Variants in ENOX1 observed in about 807,000 individuals in gnomAD.
ENOX1 encodes the protein ecto-NOX disulfide-thiol exchanger 1.
A neutral mutation model predicts 82.5 loss-of-function variants in ENOX1; 42 were observed. The observed-to-expected ratio is 0.51, with a 90% CI of 0.40 to 0.66. The LOEUF (loss-of-function observed/expected upper bound fraction) is 0.66, where lower values mean the gene tolerates loss of function less well. Among genes scored for constraint, ENOX1 ranks in the 30% least tolerant of loss-of-function variants. ENOX1 has a pLI of 0.00. For missense variants in ENOX1, 608 were observed against 811.6 expected (o/e 0.75, Z 3.05); for synonymous variants, 271 against 282.2 (o/e 0.96, Z 0.40).
Position 43,463,631 on chromosome 13 carries a change from G to A in ENOX1, c.-75+20378C>T, listed in dbSNP as rs79465014. 6.2e-3 allele frequency among the ~76,000 whole-genome samples: 938 copies of A among 152,258 alleles called. 7 individuals are homozygous for A. The highest frequency in any genetic ancestry group is 0.022 in the African/African-American group (894 of 41,554). On this transcript the variant is annotated intron_variant, in intron 3 of 16. Transcript: ENST00000690772. ...ACTTATTTCATTTACTGTAAAGTACGCACCATGTGAAATTTTTGTTATTTA... is the reference window on the plus strand; with the variant it reads ...ACTTATTTCATTTACTGTAAAGTACACACCATGTGAAATTTTTGTTATTTA...
At chr13:43,427,795 C>A (rs1425087374) in intron 3 of ENOX1, among the ~76,000 whole-genome samples, 2 of 152,062 alleles carry the variant, frequency 1.3e-5, no homozygotes, top group Non-Finnish European at 2.9e-5. Context: ...TAGGAACATG[C>A]CTCTTATAAG....
intron 2 of ENOX1, among the ~76,000 whole-genome samples, chr13:43,633,511 A>T (rs555159580): frequency 1.3e-5 from 2 of 152,270 alleles, no homozygotes; most frequent in East Asian, 3.9e-4. Context: ...TAGGGGAATG[A>T]TAAAAGTAAA....
At chr13:43,322,635 A>T (rs1053105670) in intron 10 of ENOX1, 134 bp from the exon 11 acceptor site, 1 of 716,498 alleles carries the variant, frequency 1.4e-6, no homozygotes, top group Non-Finnish European at 2.3e-6. Context: ...GCCTCACCTA[A>T]CCTAAAGGAG....
chr13:43,434,524 C>T (rs1310550761), intron 3 of ENOX1, among the ~76,000 whole-genome samples: 2 of 152,168 alleles, frequency 1.3e-5, no homozygotes, highest in Admixed American at 6.5e-5. Flanking sequence ...TTTTCTACAA[C>T]CACTTGCTCC....
chr13:43,644,148 G>A (rs1351278415), intron 2 of ENOX1, among the ~76,000 whole-genome samples: 1 of 152,112 alleles, frequency 6.6e-6, no homozygotes, highest in African/African-American at 2.4e-5. Context: ...ACACACATGT[G>A]AGTTATCATT....
At chr13:43,602,419 C>T (rs1490257829) in intron 2 of ENOX1, among the ~76,000 whole-genome samples, 2 of 151,854 alleles carry the variant, frequency 1.3e-5, no homozygotes, top group African/African-American at 4.8e-5. Context: ...AATTTTAAAA[C>T]CTTATTTGTG....
chr13:43,634,242 T>C (rs1026920896), intron 2 of ENOX1, among the ~76,000 whole-genome samples: 13 of 152,206 alleles, frequency 8.5e-5, no homozygotes, highest in Non-Finnish European at 1.6e-4. Context: ...CCTAAGCAAC[T>C]GGGCTGAGGT....
intron 3 of ENOX1, among the ~76,000 whole-genome samples, chr13:43,462,048 G>A (rs943277103): frequency 6.6e-6 from 1 of 152,096 alleles, no homozygotes; most frequent in African/African-American, 2.4e-5. Context: ...CCACTCAAGA[G>A]ACCTGATCAC....
intron 2 of ENOX1, among the ~76,000 whole-genome samples, chr13:43,582,677 G>C (rs957510472): frequency 6.6e-6 from 1 of 152,082 alleles, no homozygotes; most frequent in Non-Finnish European, 1.5e-5. Flanking sequence ...AGGCTCATGG[G>C]TTGCTCCCAC....
At chr13:43,287,999 A>G (rs1249938206) in intron 12 of ENOX1, among the ~76,000 whole-genome samples, 3 of 152,354 alleles carry the variant, frequency 2.0e-5, no homozygotes, top group African/African-American at 7.2e-5. Flanking sequence ...GAAAATGCAC[A>G]CACTGCCAGC....
intron 1 of ENOX1, among the ~76,000 whole-genome samples, chr13:43,714,800 A>G (rs1215734257): frequency 1.3e-5 from 2 of 152,096 alleles, no homozygotes; most frequent in African/African-American, 4.8e-5. Flanking sequence ...TTTTGAGCCT[A>G]TGTGTGTCTC....
At chr13:43,616,343 C>G (rs1034315733) in intron 2 of ENOX1, among the ~76,000 whole-genome samples, 1 of 147,566 alleles carries the variant, frequency 6.8e-6, no homozygotes, top group Non-Finnish European at 1.5e-5. Flanking sequence ...GCTGGGAGTA[C>G]AGGTGCCGCC....
chr13:43,731,715 C>T (rs188167822), intron 1 of ENOX1, among the ~76,000 whole-genome samples: 3 of 152,276 alleles, frequency 2.0e-5, no homozygotes, highest in Non-Finnish European at 2.9e-5. Context: ...GTCTCCCTCA[C>T]GAAATCACTG....
intron 2 of ENOX1, among the ~76,000 whole-genome samples, chr13:43,648,827 C>T (rs2084018135): frequency 6.6e-6 from 1 of 152,196 alleles, no homozygotes; most frequent in African/African-American, 2.4e-5. Flanking sequence ...AGTGAGAGTA[C>T]TCAGCGTTCT....
chr13:43,614,639 G>A (rs966810481), intron 2 of ENOX1, among the ~76,000 whole-genome samples: 2 of 148,888 alleles, frequency 1.3e-5, no homozygotes, highest in African/African-American at 5.0e-5. Context: ...TCATCAGCTG[G>A]GTCCCAATCC....
At chr13:43,763,243 G>A (rs1010664537) in intron 1 of ENOX1, among the ~76,000 whole-genome samples, 3 of 152,118 alleles carry the variant, frequency 2.0e-5, no homozygotes, top group Non-Finnish European at 2.9e-5. Context: ...TCACAGTTCT[G>A]GAGGCTGGGA....
chr13:43,418,736 C>T (rs564065838), intron 3 of ENOX1, among the ~76,000 whole-genome samples: 26 of 152,266 alleles, frequency 1.7e-4, no homozygotes, highest in Admixed American at 6.5e-4. Context: ...GATAAAAGTA[C>T]AGCTTTGTTT....
In ENOX1 at chr13:43,384,103, T is replaced by TA. The variant is rs1170924125; in HGVS notation, c.209-22652dup. ...CTCTGTGCCCTGGTGTGCTTATTCC[T>TA]AAAAATGAAGTAATAACAGCACTGA... On this transcript the variant is annotated intron_variant, in intron 5 of 16. Transcript: ENST00000690772. 2.6e-5 allele frequency among the ~76,000 whole-genome samples: 4 copies of TA among 152,284 alleles called. No homozygotes were observed. The East Asian group carries it at 7.7e-4, about 29-fold the overall frequency.
At chr13:43,732,369 T>A (rs1329598132) in intron 1 of ENOX1, among the ~76,000 whole-genome samples, 1 of 152,230 alleles carries the variant, frequency 6.6e-6, no homozygotes, top group African/African-American at 2.4e-5. Context: ...ACACTGTTTG[T>A]TCATGAGAAT....
Sources: allele counts gnomAD v4.1 joint callset (sites outside exome capture counted in the v4.1 genomes callset), GRCh38; gene constraint gnomAD v4.1.1; transcripts MANE v1.5; gene names NCBI Gene and HGNC (gene_info 2026-07-23, HGNC 2026-07-21).